CADPS2: variants seen among roughly 807,000 people sequenced by gnomAD.
The protein encoded by CADPS2 is calcium-dependent secretion activator 2.
Under a neutral mutation model 172.5 loss-of-function variants are expected in CADPS2, and 93 were observed. That is an observed-to-expected ratio of 0.54 (90% CI 0.46 to 0.64). The LOEUF is 0.64. Among genes scored for constraint, CADPS2 ranks in the 30% least tolerant of loss-of-function variants. The pLI is 0.00. For missense variants in CADPS2, 1,420 were observed against 1,565.9 expected, an observed-to-expected ratio of 0.91 and a Z score of 1.57; for synonymous variants, 546 against 555.2, an observed-to-expected ratio of 0.98 and a Z score of 0.23.
chr7:122,587,194 C>A (rs778660072), intron 6 of CADPS2, among the ~76,000 whole-genome samples: 2 of 151,592 alleles, frequency 1.3e-5, no homozygotes, highest in African/African-American at 2.4e-5. Context: ...TGGTTTGCTG[C>A]GCCTATCAAC....
intron 25 of CADPS2, 140 bp downstream of exon 25, chr7:122,379,219 TGCTCCCAAC>T (rs1554478254): frequency 7.7e-6 from 4 of 516,854 alleles, no homozygotes; most frequent in Middle Eastern, 5.5e-4. Context: ...AACCTTTTTT[TGCTCCCAAC>T]TTTTCTGAAA....
At chr7:122,487,564 T>C (rs943413489) in intron 11 of CADPS2, among the ~76,000 whole-genome samples, 4 of 152,038 alleles carry the variant, frequency 2.6e-5, no homozygotes, top group African/African-American at 7.3e-5. Context: ...ATATGAGCAA[T>C]AGTCAATTAG....
At chr7:122,632,833 T>C (rs1361990235) in intron 3 of CADPS2, among the ~76,000 whole-genome samples, 1 of 152,172 alleles carries the variant, frequency 6.6e-6, no homozygotes, top group Non-Finnish European at 1.5e-5. Flanking sequence ...TTTGAAGTCT[T>C]ACATTTAAGT....
chr7:122,770,615 T>C (rs1177582964), intron 1 of CADPS2, among the ~76,000 whole-genome samples: 4 of 148,796 alleles, frequency 2.7e-5, no homozygotes, highest in Non-Finnish European at 3.0e-5. Context: ...AGACACTGTT[T>C]CCTCTTCAAA....
intron 1 of CADPS2, among the ~76,000 whole-genome samples, chr7:122,765,608 A>G (rs759607170): frequency 2.6e-4 from 40 of 152,166 alleles, no homozygotes; most frequent in Non-Finnish European, 5.4e-4. Flanking sequence ...TAGCTAAAGT[A>G]TATTCCATTG....
chr7:122,698,506 T>A (rs1364042071), intron 2 of CADPS2: 1 of 1,614,036 alleles, frequency 6.2e-7, no homozygotes, highest in Admixed American at 1.7e-5. Flanking sequence ...GGGGAACACC[T>A]GGTTGCCAGT....
chr7:122,343,762 T>C lies in CADPS2; in HGVS notation c.3612+1812A>G, dbSNP rs940753965. On this transcript the variant is annotated intron_variant, in intron 28 of 29. Transcript: ENST00000449022. ...GAATAACATCAACTCAATTTCCCTC[T>C]TCTGTTCAACAGTTTTGAAAATCAC... is the stretch of plus-strand genomic sequence containing the variant. Among the ~76,000 whole-genome samples, 3 of 152,188 alleles carry C rather than the reference T, an allele frequency of 2.0e-5. No individual in the cohort carries two copies. In the South Asian group the frequency reaches 6.2e-4, roughly 31 times the overall value.
chr7:122,595,434 C>T lies in CADPS2; in HGVS notation c.1224-14144G>A, dbSNP rs539435545. ...CATTTGGGGTTATAAAAATGTTTTGCTTTACATTTTCTTAATTTGAAGATC... is the reference window on the plus strand; with the variant it reads ...CATTTGGGGTTATAAAAATGTTTTGTTTTACATTTTCTTAATTTGAAGATC... On this transcript the variant is annotated intron_variant, in intron 6 of 29. Transcript: ENST00000449022. Among the ~76,000 whole-genome samples, 3 of 152,134 alleles carry T rather than the reference C, an allele frequency of 2.0e-5. No homozygotes were observed. In the East Asian group the frequency reaches 5.8e-4, roughly 29 times the overall value.
At chr7:122,694,126 G>A (rs1421613741) in intron 2 of CADPS2, among the ~76,000 whole-genome samples, 1 of 152,194 alleles carries the variant, frequency 6.6e-6, no homozygotes, top group Non-Finnish European at 1.5e-5. Context: ...AAATGATATT[G>A]TAGGAAAGTG....
intron 11 of CADPS2, among the ~76,000 whole-genome samples, chr7:122,487,615 T>C (rs192787425): frequency 1.3e-5 from 2 of 152,304 alleles, no homozygotes; most frequent in Admixed American, 6.5e-5. Flanking sequence ...GCAAGGAAAG[T>C]ATGAAAGGCT....
intron 6 of CADPS2, chr7:122,585,451 C>T (rs1329048873): frequency 7.0e-6 from 1 of 141,850 alleles, no homozygotes; most frequent in Admixed American, 7.1e-5. Context: ...CCAAACCCCA[C>T]TCAACAAAGG....
chr7:122,701,771 A>G, intron 2 of CADPS2: 1 of 1,130,816 alleles, frequency 8.8e-7, no homozygotes, highest in South Asian at 1.5e-5. Flanking sequence ...CAATAAGACA[A>G]TTTATCTAAT....
chr7:122,596,640 T>C (rs1249520717), intron 6 of CADPS2, among the ~76,000 whole-genome samples: 2 of 152,106 alleles, frequency 1.3e-5, no homozygotes, highest in Admixed American at 6.5e-5. Flanking sequence ...TCAGCAATCA[T>C]AGCTACATCC....
intron 6 of CADPS2, among the ~76,000 whole-genome samples, chr7:122,590,700 T>G (rs1039206514): frequency 2.6e-5 from 4 of 151,828 alleles, no homozygotes; most frequent in Middle Eastern, 3.2e-3. Context: ...AACAGATTGA[T>G]TCATAAAAAA....
At chr7:122,702,667 G>C in intron 2 of CADPS2, 1 of 1,613,222 alleles carries the variant, frequency 6.2e-7, no homozygotes, top group Non-Finnish European at 8.5e-7. Context: ...AGTCAGGAAA[G>C]CTAAGTAGTA....
At chr7:122,434,656 C>T (rs2050405933) in intron 17 of CADPS2, among the ~76,000 whole-genome samples, 1 of 152,142 alleles carries the variant, frequency 6.6e-6, no homozygotes, top group African/African-American at 2.4e-5. Flanking sequence ...CACATCATAA[C>T]AGGCACACGT....
chr7:122,826,650 A>G (rs1246937576), intron 1 of CADPS2, among the ~76,000 whole-genome samples: 1 of 152,164 alleles, frequency 6.6e-6, no homozygotes, highest in African/African-American at 2.4e-5. Context: ...GAAATTTTAG[A>G]AATGCAGTAT....
rs534174016 is a variant in CADPS2 at position 122,514,460 on chromosome 7, A to G, written c.1476-1145T>C. 4.6e-5 allele frequency among the ~76,000 whole-genome samples: 7 copies of G among 152,230 alleles called. No individual in the cohort carries two copies. In the East Asian group the frequency reaches 1.2e-3, roughly 25 times the overall value. Reference sequence around the variant, plus strand: ...TTAAAATAATCCTATTTTGCAAAACATAACAAACATACTGTTTGCCCCCCT... The same window carrying G: ...TTAAAATAATCCTATTTTGCAAAACGTAACAAACATACTGTTTGCCCCCCT... On this transcript the variant is annotated intron_variant, in intron 8 of 29. Coordinates refer to ENST00000449022, the MANE Select transcript of CADPS2 (RefSeq NM_017954.11).
chr7:122,363,595 T>C (rs2040469757), intron 25 of CADPS2, among the ~76,000 whole-genome samples: 3 of 151,518 alleles, frequency 2.0e-5, no homozygotes. Flanking sequence ...ACGAGATAAA[T>C]GTCAAGTCAT....
Sources: allele counts gnomAD v4.1 joint callset (sites outside exome capture counted in the v4.1 genomes callset), GRCh38; gene constraint gnomAD v4.1.1; transcripts MANE v1.5; gene names NCBI Gene and HGNC (gene_info 2026-07-23, HGNC 2026-07-21).